Variants in GDAP1 observed in about 807,000 individuals in gnomAD.
The protein encoded by GDAP1 is ganglioside induced differentiation associated protein 1, also known as ganglioside-induced differentiation-associated protein 1.
GDAP1 carries 34 observed loss-of-function variants against 40.1 expected under a neutral mutation model. That is an observed-to-expected ratio of 0.85 (90% CI 0.64 to 1.13). GDAP1 has a LOEUF of 1.13. Among genes scored for constraint, GDAP1 ranks in the 50% most tolerant of loss-of-function variants. GDAP1 has a pLI of 0.00. For synonymous variants in GDAP1, 170 were observed against 157.4 expected (o/e 1.08, Z -0.60); for missense variants, 374 against 433.7 (o/e 0.86, Z 1.22).
rs758264298 is a variant in GDAP1, at chr8:74,365,809, C to T, written c.*1442C>T. On this transcript the variant is annotated 3_prime_UTR_variant, in exon 6 of 6. Coordinates refer to ENST00000220822, the MANE Select transcript of GDAP1 (RefSeq NM_018972.4). ...ATTTACAAAAAAATTAATAAAACCT[C>T]CAGAGTAAACTCAGTCAAACAATAA... is the stretch of plus-strand genomic sequence containing the variant. 16 of 453,764 alleles carry T rather than the reference C, an allele frequency of 3.5e-5. No individual in the cohort carries two copies. The highest frequency in any genetic ancestry group is 2.5e-4 in the South Asian group (16 of 64,250). 28.1% of individuals were successfully genotyped at this position (453,764 alleles called of 1,614,324 possible).
intron 2 of GDAP1, among the ~76,000 whole-genome samples, chr8:74,429,268 T>G (rs547351576): frequency 1.3e-5 from 2 of 152,070 alleles, no homozygotes; most frequent in Non-Finnish European, 2.9e-5. Flanking sequence ...TTTCTAGTTC[T>G]AGATCCCTGA....
intron 2 of GDAP1, among the ~76,000 whole-genome samples, chr8:74,387,537 G>A (rs1201300564): frequency 6.6e-6 from 1 of 152,218 alleles, no homozygotes; most frequent in Non-Finnish European, 1.5e-5. Flanking sequence ...AAACCGACTT[G>A]ATCATGGTGG....
chr8:74,362,839 T>A, intron 4 of GDAP1, 100 bp from the exon 5 acceptor site: 1 of 417,280 alleles, frequency 2.4e-6, no homozygotes, highest in Non-Finnish European at 4.6e-6. Context: ...TTGTCTAAAA[T>A]AGGCTGAACT....
intron 2 of GDAP1, among the ~76,000 whole-genome samples, chr8:74,405,581 T>C (rs2131551422): frequency 6.7e-6 from 1 of 150,276 alleles, no homozygotes; most frequent in Admixed American, 6.6e-5. Flanking sequence ...TTTCATGCTT[T>C]GCTAGTGTCA....
intron 2 of GDAP1, among the ~76,000 whole-genome samples, chr8:74,480,286 C>T (rs1056611044): frequency 5.9e-5 from 9 of 152,048 alleles, no homozygotes; most frequent in East Asian, 1.9e-4. Context: ...TGCGCCCGGC[C>T]GGCTCTGTAT....
At chr8:74,422,306 TTTC>T (rs1805873545) in intron 2 of GDAP1, among the ~76,000 whole-genome samples, 1 of 43,650 alleles carries the variant, frequency 2.3e-5, no homozygotes, top group Admixed American at 2.6e-4. Flanking sequence ...TCTTTCTTTC[TTTC>T]TTTCTTTCTT....
At chr8:74,470,331 C>G (rs1806533817) in intron 2 of GDAP1, among the ~76,000 whole-genome samples, 1 of 152,120 alleles carries the variant, frequency 6.6e-6, no homozygotes, top group African/African-American at 2.4e-5. Flanking sequence ...TATACATGTG[C>G]CATGTTGGTG....
intron 2 of GDAP1, among the ~76,000 whole-genome samples, chr8:74,375,282 G>A (rs1343418615): frequency 6.6e-5 from 10 of 151,962 alleles, no homozygotes; most frequent in East Asian, 5.8e-4. Flanking sequence ...AGCCGAGATC[G>A]CGCCACTGCA....
At position 74,362,036 on chromosome 8, in the gene GDAP1, T is replaced by C. The variant is rs527426824; in HGVS notation, c.579+58T>C. 7 of 883,898 alleles carry C rather than the reference T, an allele frequency of 7.9e-6. No individual in the cohort carries two copies. The African/African-American group carries it at 9.7e-5, about 12-fold the overall frequency. 54.8% of individuals were successfully genotyped at this position (883,898 alleles called of 1,614,324 possible). A position where few individuals can be genotyped will look rare whatever the true frequency, so the allele number is the denominator to read the frequency against. ...ACTGCACGGAGTAAATGTTCTACTT[T>C]TTGTAAAGTACCACTATTTCTAGAA... On this transcript the variant is annotated intron_variant, in intron 4 of 5. Transcript: ENST00000220822.
chr8:74,459,163 G>A (rs1465359578), intron 2 of GDAP1, among the ~76,000 whole-genome samples: 1 of 152,088 alleles, frequency 6.6e-6, no homozygotes, highest in Admixed American at 6.5e-5. Flanking sequence ...ACACTTGGTG[G>A]GTGGAAGCCC....
At chr8:74,388,684 G>A (rs1810061614) in intron 2 of GDAP1, among the ~76,000 whole-genome samples, 1 of 152,166 alleles carries the variant, frequency 6.6e-6, no homozygotes, top group African/African-American at 2.4e-5. Flanking sequence ...TTCTGTTGAT[G>A]TCTGTTAGGT....
chr8:74,399,031 C>G (rs1251897205), intron 2 of GDAP1, among the ~76,000 whole-genome samples: 5 of 151,770 alleles, frequency 3.3e-5, no homozygotes, highest in Non-Finnish European at 5.9e-5. Flanking sequence ...GTGTCTCTGC[C>G]CGGCTTTGGT....
intron 2 of GDAP1, among the ~76,000 whole-genome samples, chr8:74,381,183 C>G (rs1231060026): frequency 6.6e-6 from 1 of 151,938 alleles, no homozygotes; most frequent in Admixed American, 6.6e-5. Flanking sequence ...CTCAACAAAG[C>G]TGTTTATATT....
At position 74,365,608 on chromosome 8, in the gene GDAP1, G is replaced by C. The variant is rs752340991; in HGVS notation, c.*1241G>C. ...GCAGGCATAGAGATGATGTGCCGAG[G>C]TCCCAGTGAACAACAGTAGCCAAAG... is the stretch of plus-strand genomic sequence containing the variant. On this transcript the variant is annotated 3_prime_UTR_variant, in exon 6 of 6. Transcript: ENST00000220822. 2.2e-6 allele frequency: 1 copy of C among 454,426 alleles called. No homozygotes were observed. The highest frequency in any genetic ancestry group is 4.4e-6 in the Non-Finnish European group (1 of 226,772). The allele number at this position is 454,426 out of a possible 1,614,324, so 28.1% of individuals were successfully genotyped here. A position where few individuals can be genotyped will look rare whatever the true frequency, so the allele number is the denominator to read the frequency against.
chr8:74,398,214 A>G (rs550663049), intron 2 of GDAP1, among the ~76,000 whole-genome samples: 1 of 152,274 alleles, frequency 6.6e-6, no homozygotes, highest in East Asian at 1.9e-4. Flanking sequence ...ATGTACCATT[A>G]TGTAATGGCC....
chr8:74,379,677 G>GC (rs968935943), intron 2 of GDAP1, among the ~76,000 whole-genome samples: 86 of 152,214 alleles, frequency 5.6e-4, no homozygotes, highest in African/African-American at 2.0e-3. Context: ...TTCTTGCTCT[G>GC]CATCTTAACA....
chr8:74,446,867 G>C (rs1331757341), intron 2 of GDAP1, among the ~76,000 whole-genome samples: 2 of 152,104 alleles, frequency 1.3e-5, no homozygotes, highest in Non-Finnish European at 2.9e-5. Flanking sequence ...CAAATTCATA[G>C]AGACAGAAAG....
chr8:74,409,725 A>G (rs1805684622), intron 2 of GDAP1, among the ~76,000 whole-genome samples: 1 of 150,054 alleles, frequency 6.7e-6, no homozygotes, highest in East Asian at 1.9e-4. Flanking sequence ...TTACCAGGTT[A>G]TTGCATCTGG....
chr8:74,369,442 G>A (rs1809711462), downstream of GDAP1, among the ~76,000 whole-genome samples: 1 of 152,014 alleles, frequency 6.6e-6, no homozygotes, highest in South Asian at 2.1e-4. Flanking sequence ...GAAACCAAAT[G>A]GAAATTTTAG....
Sources: allele counts gnomAD v4.1 joint callset (sites outside exome capture counted in the v4.1 genomes callset), GRCh38; gene constraint gnomAD v4.1.1; transcripts MANE v1.5; gene names NCBI Gene and HGNC (gene_info 2026-07-23, HGNC 2026-07-21).